Variants in PDZD2 observed in about 807,000 individuals in gnomAD.
PDZD2 encodes the protein PDZ domain containing 2, also known as PDZ domain-containing protein 2.
PDZD2 carries 90 observed loss-of-function variants against 220.7 expected under a neutral mutation model. The observed-to-expected ratio is 0.41, with a 90% CI of 0.34 to 0.49. PDZD2 has a LOEUF of 0.49. Ranked by LOEUF, PDZD2 falls within the 20% of genes least tolerant of loss-of-function variation. The probability of loss-of-function intolerance (pLI) is 0.28; values close to 1 mark genes in which losing one functional copy is unlikely to be tolerated. For synonymous variants in PDZD2, 1,375 were observed against 1,450.5 expected, an observed-to-expected ratio of 0.95 and a Z score of 1.18; for missense variants, 3,174 against 3,608.5, an observed-to-expected ratio of 0.88 and a Z score of 3.08.
intron 2 of PDZD2, among the ~76,000 whole-genome samples, chr5:31,922,058 A>G (rs1488395545): frequency 6.6e-6 from 1 of 151,742 alleles, no homozygotes; most frequent in East Asian, 1.9e-4. Context: ...CCTGATTCCC[A>G]TGGGAAATCT....
intron 2 of PDZD2, among the ~76,000 whole-genome samples, chr5:31,970,472 G>A (rs1391558311): frequency 1.3e-5 from 2 of 151,810 alleles, no homozygotes; most frequent in Non-Finnish European, 2.9e-5. Context: ...CCTGGCCAAC[G>A]TGAAGAAACC....
At chr5:31,796,631 G>A (rs1191921443) in intron 1 of PDZD2, among the ~76,000 whole-genome samples, 2 of 152,036 alleles carry the variant, frequency 1.3e-5, no homozygotes, top group East Asian at 3.9e-4. Context: ...GAAGGGGAGC[G>A]GGAGAGGTGT....
At chr5:31,953,214 T>C (rs1163857283) in intron 2 of PDZD2, among the ~76,000 whole-genome samples, 3 of 151,978 alleles carry the variant, frequency 2.0e-5, no homozygotes, top group African/African-American at 7.2e-5. Context: ...AATTGGCCCA[T>C]ATGGGACAGG....
chr5:31,939,140 A>G (rs933790588), intron 2 of PDZD2, among the ~76,000 whole-genome samples: 8 of 152,190 alleles, frequency 5.3e-5, no homozygotes, highest in African/African-American at 1.7e-4. Context: ...GGGCCTGGAA[A>G]ACAAGATGGC....
chr5:31,995,560 C>T lies in PDZD2; in HGVS notation c.979-16C>T. On this transcript the variant is annotated splice_polypyrimidine_tract_variant and intron_variant, in intron 3 of 24. Coordinates refer to ENST00000438447, the MANE Select transcript of PDZD2 (RefSeq NM_178140.4). The stretch of plus-strand genomic sequence containing the variant: ...CTGTCAACCTCCTTCATGGTGTGCT[C>T]ACTTTTTCTTCCAAGGAGGAAGTTG... The T allele has an allele frequency of 6.2e-7, 1 of 1,614,034 alleles. No individual in the cohort carries two copies. The highest frequency in any genetic ancestry group is 1.1e-5 in the South Asian group (1 of 91,070).
At chr5:31,730,577 TGTGTGTGTGTGTGTG>T (rs1196470012) in intron 1 of PDZD2, among the ~76,000 whole-genome samples, 106 of 114,438 alleles carry the variant, frequency 9.3e-4, no homozygotes, top group African/African-American at 3.5e-3. Flanking sequence ...TGTGTGTGTG[TGTGTGTGTGTGTGTG>T]GTGTGTGTGT....
chr5:31,710,827 A>G lies in PDZD2; in HGVS notation c.-361+71390A>G, dbSNP rs1427433946. Among the ~76,000 whole-genome samples the G allele has an allele frequency of 3.3e-5, 5 of 152,092 alleles. No homozygotes were observed. In the South Asian group the frequency reaches 8.3e-4, roughly 25 times the overall value. ...GCAAAACTCCGTCTTGAAAAAAAAAAAAAAAAGAGTAGAGATATGAGAGGC... is the reference window on the plus strand; with the variant it reads ...GCAAAACTCCGTCTTGAAAAAAAAAGAAAAAAGAGTAGAGATATGAGAGGC... On this transcript the variant is annotated intron_variant, in intron 1 of 24. Coordinates refer to ENST00000438447, the MANE Select transcript of PDZD2 (RefSeq NM_178140.4).
chr5:31,868,615 C>G (rs74734603), intron 2 of PDZD2, among the ~76,000 whole-genome samples: 2 of 151,970 alleles, frequency 1.3e-5, no homozygotes, highest in African/African-American at 2.4e-5. Context: ...ATTACTATGC[C>G]GACCGTGGAT....
At chr5:32,077,961 A>AAAAAAG (rs535760223) in intron 19 of PDZD2, 3 of 196,406 alleles carry the variant, frequency 1.5e-5, no homozygotes, top group Non-Finnish European at 3.1e-5. Flanking sequence ...CTGTCAAAAA[A>AAAAAAG]AAAAGAAAAA....
Position 31,929,838 on chromosome 5 carries a change from G to A in PDZD2, c.477-53317G>A, listed in dbSNP as rs865815079. 5.3e-5 allele frequency among the ~76,000 whole-genome samples: 8 copies of A among 152,196 alleles called. No individual in the cohort carries two copies. The South Asian group carries it at 1.7e-3, about 32-fold the overall frequency. ...TAGTTTGCATGTTTGTCCCCTCCAAGTCTCCTGTTGAAATGGGATTTCCAA... is the reference window on the plus strand; with the variant it reads ...TAGTTTGCATGTTTGTCCCCTCCAAATCTCCTGTTGAAATGGGATTTCCAA... On this transcript the variant is annotated intron_variant, in intron 2 of 24. Transcript: ENST00000438447.
intron 2 of PDZD2, among the ~76,000 whole-genome samples, chr5:31,954,197 T>C (rs1747446941): frequency 6.6e-6 from 1 of 152,158 alleles, no homozygotes; most frequent in Admixed American, 6.5e-5. Context: ...TCAGTCTGCT[T>C]CTCCACCACA....
chr5:31,853,142 G>A (rs1384875649), intron 2 of PDZD2, among the ~76,000 whole-genome samples: 1 of 152,176 alleles, frequency 6.6e-6, no homozygotes, highest in Non-Finnish European at 1.5e-5. Context: ...AGGGAAGGGG[G>A]TGGAGCCAGC....
intron 5 of PDZD2, among the ~76,000 whole-genome samples, chr5:32,009,375 TAAAA>T (rs544170481): frequency 6.7e-6 from 1 of 150,342 alleles, no homozygotes; most frequent in Admixed American, 6.6e-5. Context: ...AAAAAATCAA[TAAAA>T]AAAAGATGCT....
intron 2 of PDZD2, chr5:31,936,259 T>C: frequency 2.0e-6 from 2 of 987,536 alleles, no homozygotes; most frequent in Non-Finnish European, 2.4e-6. Context: ...AGAAGGGAAG[T>C]GAAGCACAAC....
intron 1 of PDZD2, among the ~76,000 whole-genome samples, chr5:31,706,842 CA>C (rs60622267): frequency 3.0e-3 from 388 of 128,996 alleles, no homozygotes; most frequent in African/African-American, 7.7e-3. Flanking sequence ...GATTCCATCT[CA>C]AAAAAAAAAA....
intron 2 of PDZD2, among the ~76,000 whole-genome samples, chr5:31,975,951 GCAC>G (rs1441703443): frequency 6.6e-6 from 1 of 151,666 alleles, no homozygotes; most frequent in Non-Finnish European, 1.5e-5. Context: ...GTACAGGTGT[GCAC>G]CACCACACCT....
rs1745132480 is a variant in PDZD2, at chr5:32,109,282, A to G, written c.*1147A>G. 6.6e-6 allele frequency: 1 copy of G among 152,162 alleles called. No individual in the cohort carries two copies. Among genetic ancestry groups the G allele is most frequent in the Non-Finnish European group, 1.5e-5 (1 of 68,042 alleles). The allele number at this position is 152,162 out of a possible 1,614,324, so 9.4% of individuals were successfully genotyped here. On this transcript the variant is annotated 3_prime_UTR_variant, in exon 25 of 25. Coordinates refer to ENST00000438447, the MANE Select transcript of PDZD2 (RefSeq NM_178140.4). ...ATTGGATCTCTTTTCTTGACCTAGT[A>G]TAATGACAACTGCAGTGACTTAAGT...
chr5:31,787,966 G>A (rs1321790075), intron 1 of PDZD2, among the ~76,000 whole-genome samples: 2 of 152,142 alleles, frequency 1.3e-5, no homozygotes, highest in Non-Finnish European at 2.9e-5. Context: ...CTAGCCTAGC[G>A]CAGTGCCTGG....
intron 2 of PDZD2, among the ~76,000 whole-genome samples, chr5:31,890,304 A>AT (rs1740912478): frequency 6.6e-6 from 1 of 152,146 alleles, no homozygotes; most frequent in African/African-American, 2.4e-5. Flanking sequence ...TGAATTTTTC[A>AT]TTTTAATTAG....
Sources: allele counts gnomAD v4.1 joint callset (sites outside exome capture counted in the v4.1 genomes callset), GRCh38; gene constraint gnomAD v4.1.1; transcripts MANE v1.5; gene names NCBI Gene and HGNC (gene_info 2026-07-23, HGNC 2026-07-21).